The following SYT14 variants were observed in gnomAD, a reference collection of about 807,000 sequenced individuals.
SYT14 encodes synaptotagmin-14.
SYT14 carries 32 observed loss-of-function variants against 74.2 expected under a neutral mutation model. The observed-to-expected ratio is 0.43, with a 90% CI of 0.33 to 0.58. The LOEUF is 0.58. SYT14 is among the 20% of genes least tolerant of loss of function. The pLI is 0.05. For synonymous variants in SYT14, 298 were observed against 337.7 expected, an observed-to-expected ratio of 0.88 and a Z score of 1.29; for missense variants, 791 against 981.8, an observed-to-expected ratio of 0.81 and a Z score of 2.60.
chr1:209,968,795 G>A (rs2079197489), intron 2 of SYT14, among the ~76,000 whole-genome samples: 1 of 151,432 alleles, frequency 6.6e-6, no homozygotes, highest in Non-Finnish European at 1.5e-5. Context: ...TTTGTTAAAT[G>A]GGTATTTTGT....
chr1:209,998,826 G>A (rs1396348510), intron 2 of SYT14, among the ~76,000 whole-genome samples: 5 of 151,796 alleles, frequency 3.3e-5, no homozygotes, highest in Non-Finnish European at 4.4e-5. Flanking sequence ...AGTAAGACCC[G>A]AAACTATAAA....
Position 210,136,478 on chromosome 1 carries a change from A to G in SYT14, c.2035-19243A>G, listed in dbSNP as rs374898256. Reference sequence around the variant, plus strand: ...TAGCCAGATGATGGCCAAAGTTCCAATTCATCCCATTGTGTGATGCTTTTC... The same window carrying G: ...TAGCCAGATGATGGCCAAAGTTCCAGTTCATCCCATTGTGTGATGCTTTTC... On this transcript the variant is annotated intron_variant, in intron 7 of 9. Transcript: ENST00000637265. Among the ~76,000 whole-genome samples the G allele has an allele frequency of 2.4e-4, 36 of 152,320 alleles. No homozygotes were observed. The East Asian group carries it at 5.2e-3, about 22-fold the overall frequency.
chr1:210,005,998 G>C (rs2079981425), intron 2 of SYT14, among the ~76,000 whole-genome samples: 1 of 151,838 alleles, frequency 6.6e-6, no homozygotes, highest in South Asian at 2.1e-4. Context: ...GGCTTGAACT[G>C]TGAAACAAAT....
intron 5 of SYT14, among the ~76,000 whole-genome samples, chr1:210,067,518 G>A (rs765437267): frequency 4.9e-4 from 75 of 151,886 alleles, no homozygotes; most frequent in Non-Finnish European, 9.3e-4. Context: ...TGTGTCATGC[G>A]TTAGAATTTC....
At chr1:210,010,854 G>A (rs563260753) in intron 2 of SYT14, among the ~76,000 whole-genome samples, 1 of 152,296 alleles carries the variant, frequency 6.6e-6, no homozygotes, top group South Asian at 2.1e-4. Context: ...TGAACACATA[G>A]TTTAATATCT....
At chr1:210,131,823 T>C (rs1382424216) in intron 7 of SYT14, among the ~76,000 whole-genome samples, 1 of 152,166 alleles carries the variant, frequency 6.6e-6, no homozygotes, top group Non-Finnish European at 1.5e-5. Context: ...ACATATTCAT[T>C]CCCAAACTCA....
chr1:209,965,067 C>T (rs556147537), intron 2 of SYT14, among the ~76,000 whole-genome samples: 5 of 152,118 alleles, frequency 3.3e-5, no homozygotes, highest in South Asian at 2.1e-4. Context: ...CATGTTTTGA[C>T]GAAGGCTATT....
At chr1:210,116,318 A>G (rs988947580) in intron 7 of SYT14, among the ~76,000 whole-genome samples, 1 of 152,020 alleles carries the variant, frequency 6.6e-6, no homozygotes, top group African/African-American at 2.4e-5. Context: ...AGCTAATCTT[A>G]TATTATTGAA....
At chr1:210,029,452 T>C (rs998567631) in intron 5 of SYT14, among the ~76,000 whole-genome samples, 1 of 152,186 alleles carries the variant, frequency 6.6e-6, no homozygotes, top group Non-Finnish European at 1.5e-5. Flanking sequence ...TATACGATAT[T>C]CGGCAAGGGT....
At chr1:209,966,349 G>T (rs1350303039) in intron 2 of SYT14, among the ~76,000 whole-genome samples, 1 of 152,100 alleles carries the variant, frequency 6.6e-6, no homozygotes, top group Admixed American at 6.6e-5. Flanking sequence ...TTTGGCTTCA[G>T]TTTATCAATT....
At chr1:210,162,322 C>T in exon 10 of SYT14, 2 of 447,276 alleles carry the variant, frequency 4.5e-6, no homozygotes, top group Non-Finnish European at 8.9e-6. Context: ...GTAAAGATTC[C>T]TCAGAACAGT....
chr1:209,997,534 A>G (rs917809219), intron 2 of SYT14, among the ~76,000 whole-genome samples: 9 of 152,134 alleles, frequency 5.9e-5, no homozygotes, highest in Non-Finnish European at 8.8e-5. Flanking sequence ...TAAAATGGCC[A>G]CACTGCCCAG....
chr1:210,131,954 G>A (rs948841173), intron 7 of SYT14, among the ~76,000 whole-genome samples: 20 of 151,122 alleles, frequency 1.3e-4, no homozygotes, highest in African/African-American at 4.1e-4. Context: ...TACCAGGCTG[G>A]CCCTGATGCA....
chr1:210,066,503 C>T (rs1229005499), intron 5 of SYT14, among the ~76,000 whole-genome samples: 4 of 152,082 alleles, frequency 2.6e-5, no homozygotes, highest in East Asian at 3.9e-4. Flanking sequence ...TTTCATGTAT[C>T]TGTTGGCTGC....
At chr1:209,994,876 T>C (rs1451347130) in intron 2 of SYT14, among the ~76,000 whole-genome samples, 1 of 152,214 alleles carries the variant, frequency 6.6e-6, no homozygotes, top group Non-Finnish European at 1.5e-5. Context: ...AAGAATTTCA[T>C]CTCTTACCAA....
intron 2 of SYT14, among the ~76,000 whole-genome samples, chr1:210,007,574 T>C (rs1457590276): frequency 3.9e-5 from 6 of 152,120 alleles, no homozygotes; most frequent in African/African-American, 9.7e-5. Flanking sequence ...TTAAAATTCA[T>C]GTATTTATTT....
intron 2 of SYT14, among the ~76,000 whole-genome samples, chr1:209,972,822 G>C (rs1433486586): frequency 6.6e-6 from 1 of 151,946 alleles, no homozygotes; most frequent in African/African-American, 2.4e-5. Context: ...TGTATATTCT[G>C]TGGTTGATGG....
At chr1:210,033,539 G>T (rs1426514378) in intron 5 of SYT14, among the ~76,000 whole-genome samples, 1 of 151,718 alleles carries the variant, frequency 6.6e-6, no homozygotes, top group African/African-American at 2.4e-5. Flanking sequence ...TGACGCCTTA[G>T]AATATCTCTT....
intron 1 of SYT14, among the ~76,000 whole-genome samples, chr1:209,949,298 G>A (rs2078872818): frequency 6.6e-6 from 1 of 152,126 alleles, no homozygotes. Context: ...CACTAGGCTG[G>A]GCGTGGTGGC....
Sources: gnomAD v4.1 joint callset for allele counts (sites outside exome capture counted in the v4.1 genomes callset) on GRCh38, gnomAD v4.1.1 for gene constraint, MANE v1.5 for transcripts, NCBI Gene and HGNC (gene_info 2026-07-23, HGNC 2026-07-21) for gene names.